The following ARGLU1 variants were observed in gnomAD, a reference collection of about 807,000 sequenced individuals.
ARGLU1 encodes the protein arginine and glutamate-rich protein 1.
ARGLU1 carries 9 observed loss-of-function variants against 37.6 expected under a neutral mutation model. The observed-to-expected ratio is 0.24, with a 90% CI of 0.14 to 0.42. The LOEUF (loss-of-function observed/expected upper bound fraction) is 0.42. Among genes scored for constraint, ARGLU1 ranks in the 10% least tolerant of loss-of-function variants. The pLI, the probability that ARGLU1 is intolerant of heterozygous loss-of-function variation, is 1.00. For synonymous variants in ARGLU1, 166 were observed against 138.5 expected (o/e 1.20, Z -1.39); for missense variants, 211 against 359.2 (o/e 0.59, Z 3.34).
chr13:106,541,792 C>T lies in ARGLU1; in HGVS notation c.*2204G>A, dbSNP rs1454641791. ...AATTCTATAATGCATTAAGAATAAC[C>T]TAAAAAAACAAATTGTGAATAAAGG... On this transcript the variant is annotated 3_prime_UTR_variant, in exon 4 of 4. Coordinates refer to ENST00000400198, the MANE Select transcript of ARGLU1 (RefSeq NM_018011.4). 6.6e-6 allele frequency: 1 copy of T among 151,736 alleles called. No individual in the cohort carries two copies. Among genetic ancestry groups the T allele is most frequent in the East Asian group, 1.9e-4 (1 of 5,184 alleles). The allele number at this position is 151,736 out of a possible 1,614,324, so 9.4% of individuals were successfully genotyped here. A position where few individuals can be genotyped will look rare whatever the true frequency, so the allele number is the denominator to read the frequency against.
intron 3 of ARGLU1, among the ~76,000 whole-genome samples, chr13:106,556,112 T>C (rs1005325973): frequency 2.0e-5 from 3 of 152,216 alleles, no homozygotes; most frequent in Non-Finnish European, 2.9e-5. Context: ...CACATACTTA[T>C]TCATAAGCAT....
intron 3 of ARGLU1, among the ~76,000 whole-genome samples, chr13:106,555,339 C>A (rs1373565884): frequency 6.6e-6 from 1 of 152,018 alleles, no homozygotes; most frequent in Admixed American, 6.6e-5. Flanking sequence ...TCAGCCTGGG[C>A]AACAAGAGCA....
chr13:106,543,984 A>C lies in ARGLU1; in HGVS notation c.*12T>G, dbSNP rs772046103. The C allele has an allele frequency of 1.3e-6, 2 of 1,577,438 alleles. No individual in the cohort carries two copies. Among genetic ancestry groups the C allele is most frequent in the Non-Finnish European group, 1.7e-6 (2 of 1,168,712 alleles). On this transcript the variant is annotated 3_prime_UTR_variant, in exon 4 of 4. Transcript: ENST00000400198. ...TTCCATTTTTCTTTGTAAAAAGTTC[A>C]GAGTTTGCAATTTAATCCTGGGTTT...
At chr13:106,558,463 C>G (rs75203499) in intron 2 of ARGLU1, 2 of 985,332 alleles carry the variant, frequency 2.0e-6, no homozygotes, top group East Asian at 1.1e-4. Flanking sequence ...TATTTCAGTT[C>G]AAGAAAATAC....
intron 1 of ARGLU1, among the ~76,000 whole-genome samples, chr13:106,566,642 G>A (rs1432314840): frequency 1.3e-5 from 2 of 152,164 alleles, no homozygotes; most frequent in Non-Finnish European, 2.9e-5. Context: ...CCTTTAGTTT[G>A]GGATTATTTA....
chr13:106,550,625 A>G (rs1880509772), intron 3 of ARGLU1, among the ~76,000 whole-genome samples: 2 of 152,232 alleles, frequency 1.3e-5, no homozygotes, highest in Non-Finnish European at 2.9e-5. Flanking sequence ...CCACTGTAAC[A>G]AACTGCAACT....
chr13:106,551,650 A>G (rs1880533015), intron 3 of ARGLU1, among the ~76,000 whole-genome samples: 1 of 152,210 alleles, frequency 6.6e-6, no homozygotes, highest in African/African-American at 2.4e-5. Flanking sequence ...TGAAATCAGT[A>G]TCACTGGGCT....
rs576810139 is a variant in ARGLU1, at chr13:106,560,093, T to C, written c.348-436A>G. Among the ~76,000 whole-genome samples, 4 of 152,308 alleles carry C rather than the reference T, an allele frequency of 2.6e-5. No homozygotes were observed. In the East Asian group the frequency reaches 7.7e-4, roughly 29 times the overall value. On this transcript the variant is annotated intron_variant, in intron 1 of 3. Transcript: ENST00000400198. Reference sequence around the variant, plus strand: ...TAGCAGGCAACTCAGATTGGCTGAATTGATTTCCCGCTAAGCAAAGAGAGA... The same window carrying C: ...TAGCAGGCAACTCAGATTGGCTGAACTGATTTCCCGCTAAGCAAAGAGAGA...
chr13:106,562,300 C>T (rs1880828087), intron 1 of ARGLU1, among the ~76,000 whole-genome samples: 1 of 152,148 alleles, frequency 6.6e-6, no homozygotes, highest in Admixed American at 6.5e-5. Context: ...ATTTTATCCC[C>T]TCACCATACA....
intron 3 of ARGLU1, among the ~76,000 whole-genome samples, chr13:106,551,626 G>T (rs1880532294): frequency 6.6e-6 from 1 of 152,116 alleles, no homozygotes; most frequent in Non-Finnish European, 1.5e-5. Flanking sequence ...AATTTATTCT[G>T]GAGGCCAGGA....
chr13:106,562,990 C>CAAAAAAAAAAAAAA (rs745494550), intron 1 of ARGLU1, among the ~76,000 whole-genome samples: 4 of 67,402 alleles, frequency 5.9e-5, no homozygotes, highest in Admixed American at 2.0e-4. Context: ...GACCCTGTCT[C>CAAAAAAAAAAAAAA]AAAAAAAAAA....
chr13:106,556,126 G>A (rs1880656707), intron 3 of ARGLU1, among the ~76,000 whole-genome samples: 2 of 152,264 alleles, frequency 1.3e-5, no homozygotes, highest in Non-Finnish European at 2.9e-5. Flanking sequence ...TAAGCATGCA[G>A]CAATATAACT....
Position 106,567,903 on chromosome 13 carries a change from C to A in ARGLU1, c.17G>T (p.Ser6Ile). ...GTGCTTGGAGCGGGACGAGCTCCGG[C>A]TCCGAGACCGGCCCATCCTTCCGGG... MGRSR[S>I]RSSSRSKHTK... The change falls in exon 1 of 4, where the codon AGC becomes ATC. Residue 6 changes from serine (S) to isoleucine (I), a missense_variant. Physicochemically the swap from Ser to Ile is moderately radical, Grantham distance 142. Coordinates refer to ENST00000400198, the MANE Select transcript of ARGLU1 (RefSeq NM_018011.4). The surrounding 1 kb of genome is among the most constrained non-coding windows in gnomAD (Gnocchi z 4.3). 6.2e-7 allele frequency: 1 copy of A among 1,609,142 alleles called. No individual in the cohort carries two copies. The highest frequency in any genetic ancestry group is 8.5e-7 in the Non-Finnish European group (1 of 1,179,426).
chr13:106,551,699 G>A (rs1181115745), intron 3 of ARGLU1, among the ~76,000 whole-genome samples: 2 of 152,170 alleles, frequency 1.3e-5, no homozygotes, highest in Admixed American at 1.3e-4. Context: ...TCTCCTTCTG[G>A]AGTCTTTAGC....
intron 1 of ARGLU1, 102 bp from the exon 2 acceptor site, chr13:106,559,759 A>G: frequency 2.4e-6 from 3 of 1,250,796 alleles, no homozygotes; most frequent in Non-Finnish European, 3.3e-6. Context: ...GCCTGATATT[A>G]TTCAGTGATT....
intron 1 of ARGLU1, among the ~76,000 whole-genome samples, chr13:106,565,053 G>A (rs1055573681): frequency 6.6e-6 from 1 of 152,090 alleles, no homozygotes; most frequent in Non-Finnish European, 1.5e-5. Flanking sequence ...CTACTCCTGT[G>A]TAAACTTCTG....
At position 106,544,038 on chromosome 13, in the gene ARGLU1, C is replaced by G; in HGVS notation, c.780G>C (p.Lys260Asn). 1 of 1,602,404 alleles carries G rather than the reference C, an allele frequency of 6.2e-7. No individual in the cohort carries two copies. Among genetic ancestry groups the G allele is most frequent in the Non-Finnish European group, 8.5e-7 (1 of 1,175,816 alleles). ...ATGAGAAGGACAGTTTTGGCCTGGA[C>G]TTCCCCTTGCCCAGGATAATTTTTT... is the stretch of plus-strand genomic sequence containing the variant. ...EEQKIILGKGKSRPKLSFSLK... is the reference protein window; with the variant it reads ...EEQKIILGKGNSRPKLSFSLK... The change falls in exon 4 of 4, where the codon AAG becomes AAC. Residue 260 changes from lysine (K) to asparagine (N), a missense_variant. This residue lies in a region of ARGLU1 where 80 missense variants were observed against 158.4 expected (regional missense o/e 0.51). Transcript: ENST00000400198.
intron 1 of ARGLU1, chr13:106,561,778 C>G (rs978111857): frequency 2.0e-5 from 3 of 152,208 alleles, no homozygotes; most frequent in African/African-American, 7.2e-5. Flanking sequence ...AACAGGGCCT[C>G]ATTTCCATAG....
At position 106,557,050 on chromosome 13, in the gene ARGLU1, G is replaced by A; in HGVS notation, c.655C>T (p.Leu219=). ...NRKIAEAQAK[L]AEEQLRIVEE... ...TTTCATGTATGCTTTACACTTACCA[G>A]TTTGGCTTGTGCTTCTGCAATTTTT... Residue 219 remains leucine (L), a splice_region_variant and synonymous_variant, in exon 3 of 4, where the codon CTG becomes TTG. Transcript: ENST00000400198. The surrounding 1 kb of genome is among the most constrained non-coding windows in gnomAD (Gnocchi z 5.0). The A allele has an allele frequency of 1.9e-6, 3 of 1,612,434 alleles. No individual in the cohort carries two copies. Among genetic ancestry groups the A allele is most frequent in the Non-Finnish European group, 1.7e-6 (2 of 1,178,542 alleles).
Sources: gnomAD v4.1 joint callset for allele counts (sites outside exome capture counted in the v4.1 genomes callset) on GRCh38, gnomAD v4.1.1 for gene constraint, gnomAD v4.1.1 regional missense constraint, Gnocchi (gnomAD v3.1) non-coding constraint, MANE v1.5 for transcripts, NCBI Gene and HGNC (gene_info 2026-07-23, HGNC 2026-07-21) for gene names.